Variants in SOX5 observed in about 807,000 individuals in gnomAD.
The protein encoded by SOX5 is SRY-box transcription factor 5.
Under a neutral mutation model 92.0 loss-of-function variants are expected in SOX5, and 9 were observed. The observed-to-expected ratio is 0.10, with a 90% CI of 0.06 to 0.17. SOX5 has a LOEUF of 0.17. SOX5 is among the 10% of genes least tolerant of loss of function. The probability of loss-of-function intolerance (pLI) is 1.00; values close to 1 mark genes in which losing one functional copy is unlikely to be tolerated. For missense variants in SOX5, 642 were observed against 944.5 expected (o/e 0.68, Z 4.20); for synonymous variants, 344 against 336.3 (o/e 1.02, Z -0.25).
upstream of SOX5, among the ~76,000 whole-genome samples, chr12:23,950,395 TG>T (rs1310141251): frequency 2.0e-5 from 3 of 152,166 alleles, no homozygotes; most frequent in Non-Finnish European, 4.4e-5. Context: ...TCACTCACTC[TG>T]TCGGTCTCAC....
chr12:23,949,794 TTCTCCCCCCCTCCTTCCCCTCCTCTC>T (rs1945284618), upstream of SOX5: 1 of 453,290 alleles, frequency 2.2e-6, no homozygotes, highest in Non-Finnish European at 3.7e-6. Flanking sequence ...CTCTCTCTCT[TTCTCCCCCCCTCCTTCCCCTCCTCTC>T]TCTCCTAGGA....
chr12:24,108,380 A>G (rs955941653), intron 4 of SOX5, among the ~76,000 whole-genome samples: 2 of 152,152 alleles, frequency 1.3e-5, no homozygotes, highest in Non-Finnish European at 2.9e-5. Flanking sequence ...TCATCAAGAA[A>G]TGTTCATCAC....
chr12:24,357,177 A>T (rs1954940538), intron 2 of SOX5, among the ~76,000 whole-genome samples: 1 of 152,180 alleles, frequency 6.6e-6, no homozygotes, highest in Non-Finnish European at 1.5e-5. Flanking sequence ...GGGAGAAATA[A>T]TGACTTTCAT....
At chr12:24,331,140 T>C (rs569248329) in intron 2 of SOX5, 2 of 148,884 alleles carry the variant, frequency 1.3e-5, no homozygotes, top group East Asian at 1.9e-4. Context: ...TTTATCCTCA[T>C]GTAAAAAAAA....
At chr12:24,288,748 A>C (rs964793340) in intron 2 of SOX5, among the ~76,000 whole-genome samples, 72 of 150,484 alleles carry the variant, frequency 4.8e-4, no homozygotes, top group African/African-American at 1.6e-3. Context: ...ATGCATGTCC[A>C]ACCTTTAAAA....
At chr12:23,719,197 G>A (rs922263272) in intron 6 of SOX5, among the ~76,000 whole-genome samples, 11 of 151,888 alleles carry the variant, frequency 7.2e-5, no homozygotes, top group Admixed American at 1.3e-4. Context: ...TAAAATTATC[G>A]GATACCATGC....
chr12:23,853,769 T>C (rs2096658888), intron 2 of SOX5, among the ~76,000 whole-genome samples: 1 of 152,168 alleles, frequency 6.6e-6, no homozygotes, highest in African/African-American at 2.4e-5. Flanking sequence ...TGTGACAGCC[T>C]CATTATCTTC....
rs1286797364 is a variant in SOX5 at position 24,393,570 on chromosome 12, T to C, written c.-250-24931A>G. Among the ~76,000 whole-genome samples, 1 of 152,178 alleles carries C rather than the reference T, an allele frequency of 6.6e-6. No homozygotes were observed. The highest frequency in any genetic ancestry group is 1.5e-5 in the Non-Finnish European group (1 of 68,030). On this transcript the variant is annotated intron_variant, in intron 1 of 4. Coordinates refer to the SOX5 transcript ENST00000446891. The surrounding 1 kb of genome is among the most constrained non-coding windows in gnomAD (Gnocchi z 5.0). Reference sequence around the variant, plus strand: ...CATTAGAAATTTACTGTGAAAAACTTACAATAAAAACATTAAGTAACTAAG... The same window carrying C: ...CATTAGAAATTTACTGTGAAAAACTCACAATAAAAACATTAAGTAACTAAG...
At chr12:23,733,814 A>G (rs1280017730) in intron 6 of SOX5, among the ~76,000 whole-genome samples, 5 of 152,202 alleles carry the variant, frequency 3.3e-5, no homozygotes, top group African/African-American at 7.2e-5. Flanking sequence ...CCAGATTAGC[A>G]TACTGCAAAG....
At chr12:23,743,219 T>G (rs535396636) in intron 4 of SOX5, among the ~76,000 whole-genome samples, 40 of 152,356 alleles carry the variant, frequency 2.6e-4, no homozygotes, top group African/African-American at 9.6e-4. Flanking sequence ...CACATGTCTA[T>G]GTTTATAGGA....
chr12:24,192,105 A>C (rs1956583961), intron 4 of SOX5, among the ~76,000 whole-genome samples: 1 of 152,208 alleles, frequency 6.6e-6, no homozygotes, highest in South Asian at 2.1e-4. Context: ...CAGGTAAGTC[A>C]AATATATTAA....
intron 2 of SOX5, among the ~76,000 whole-genome samples, chr12:23,895,356 T>C (rs1269115828): frequency 6.6e-6 from 1 of 152,124 alleles, no homozygotes; most frequent in African/African-American, 2.4e-5. Context: ...GGGAATATTA[T>C]AGAGTCCAAT....
At chr12:24,291,281 G>T (rs1322700525) in intron 2 of SOX5, among the ~76,000 whole-genome samples, 2 of 152,264 alleles carry the variant, frequency 1.3e-5, no homozygotes, top group African/African-American at 4.8e-5. Context: ...TTTATTGAGG[G>T]ATTTATCATG....
At chr12:23,550,419 A>T (rs945266278) in intron 11 of SOX5, among the ~76,000 whole-genome samples, 2 of 151,998 alleles carry the variant, frequency 1.3e-5, no homozygotes, top group African/African-American at 4.8e-5. Flanking sequence ...GATTCTCATT[A>T]GTTTGAAAAT....
chr12:23,837,166 G>C (rs1258381360), intron 3 of SOX5, among the ~76,000 whole-genome samples: 5 of 140,838 alleles, frequency 3.6e-5, no homozygotes, highest in Admixed American at 7.9e-5. Flanking sequence ...TGTTGGAAGA[G>C]TCGTATACAT....
chr12:24,525,509 TAA>T (rs1044621833), intron 1 of SOX5, among the ~76,000 whole-genome samples: 2 of 152,192 alleles, frequency 1.3e-5, no homozygotes, highest in African/African-American at 4.8e-5. Flanking sequence ...AAAAATGTGT[TAA>T]GAGGGTAGAT....
intron 4 of SOX5, among the ~76,000 whole-genome samples, chr12:23,746,934 A>C (rs1331383089): frequency 2.0e-5 from 3 of 151,958 alleles, no homozygotes; most frequent in Non-Finnish European, 4.4e-5. Flanking sequence ...TATAAAGGGG[A>C]GTTTCCCTGC....
At chr12:24,552,073 G>T (rs1283810741) in intron 1 of SOX5, among the ~76,000 whole-genome samples, 3 of 152,056 alleles carry the variant, frequency 2.0e-5, no homozygotes, top group Admixed American at 1.3e-4. Flanking sequence ...TGGCCCCAGG[G>T]CCCCCTTCCC....
chr12:24,266,650 T>A (rs997541170), intron 3 of SOX5, among the ~76,000 whole-genome samples: 1 of 152,222 alleles, frequency 6.6e-6, no homozygotes, highest in Non-Finnish European at 1.5e-5. Context: ...TTATTTCTAT[T>A]TCTATTCATT....
Sources: allele counts gnomAD v4.1 joint callset (sites outside exome capture counted in the v4.1 genomes callset), GRCh38; gene constraint gnomAD v4.1.1; non-coding constraint Gnocchi (gnomAD v3.1); transcripts MANE v1.5; gene names NCBI Gene and HGNC (gene_info 2026-07-23, HGNC 2026-07-21).